The following SLC25A39 variants were observed in gnomAD, a reference collection of about 807,000 sequenced individuals.
The protein encoded by SLC25A39 is solute carrier family 25 member 39.
Under a neutral mutation model 46.6 loss-of-function variants are expected in SLC25A39, and 44 were observed. The observed-to-expected ratio is 0.94, with a 90% CI of 0.74 to 1.21. SLC25A39 has a LOEUF of 1.21. SLC25A39 is among the 50% of genes most tolerant of loss of function. The pLI, the probability that SLC25A39 is intolerant of heterozygous loss-of-function variation, is 0.00. For synonymous variants in SLC25A39, 218 were observed against 190.6 expected (o/e 1.14, Z -1.19); for missense variants, 487 against 473.0 (o/e 1.03, Z -0.28).
At chr17:44,324,025 G>A (rs944633115) in intron 1 of SLC25A39, 11 of 178,442 alleles carry the variant, frequency 6.2e-5, no homozygotes, top group Non-Finnish European at 1.2e-4. Context: ...TCTAAAGCAG[G>A]GACTGTCCGC....
At position 44,321,839 on chromosome 17, in the gene SLC25A39, C is replaced by G. The variant is rs73983970; in HGVS notation, c.325-72G>C. The G allele has an allele frequency of 3.2e-3, 4,821 of 1,503,474 alleles. 141 individuals carry two copies. The African/African-American group carries it at 0.059, about 19-fold the overall frequency. 93.1% of individuals were successfully genotyped at this position (1,503,474 alleles called of 1,614,324 possible). On this transcript the variant is annotated intron_variant, in intron 5 of 11. Transcript: ENST00000377095. ...ATGTCTGTGATGGGGCTGGCCCAGG[C>G]TAGGCCTTTGCCTGACGCCCTCAGC...
intron 2 of SLC25A39, 44 bp downstream of exon 2, chr17:44,323,434 G>GGGCCCCACCCC: frequency 7.3e-7 from 1 of 1,367,930 alleles, no homozygotes; most frequent in Non-Finnish European, 1.0e-6. Flanking sequence ...TCTCCGGTCT[G>GGGCCCCACCCC]CCCCATCCCC....
chr17:44,321,620 C>A, intron 6 of SLC25A39, 62 bp from the exon 7 acceptor site: 1 of 1,608,154 alleles, frequency 6.2e-7, no homozygotes, highest in South Asian at 1.1e-5. Context: ...TAAAGCATCA[C>A]CTGCCCCACC....
Position 44,323,358 on chromosome 17 carries a change from G to A in SLC25A39, c.86-15C>T, listed in dbSNP as rs369357031. On this transcript the variant is annotated splice_polypyrimidine_tract_variant and intron_variant, in intron 2 of 11. Coordinates refer to ENST00000377095, the MANE Select transcript of SLC25A39 (RefSeq NM_001143780.3). Reference sequence around the variant, plus strand: ...CAGGGGTGTCACTGGGGGAGGAAGCGGGTCTGAAGGCTCCTTTCAGGACCC... The same window carrying A: ...CAGGGGTGTCACTGGGGGAGGAAGCAGGTCTGAAGGCTCCTTTCAGGACCC... The A allele has an allele frequency of 1.2e-6, 2 of 1,607,332 alleles. No homozygotes were observed. Among genetic ancestry groups the A allele is most frequent in the Non-Finnish European group, 1.7e-6 (2 of 1,176,796 alleles).
chr17:44,321,654 G>A (rs1217814496), intron 6 of SLC25A39, 46 bp downstream of exon 6: 9 of 1,607,626 alleles, frequency 5.6e-6, no homozygotes, highest in Non-Finnish European at 7.7e-6. Context: ...GGGAGCAAAG[G>A]GTCAGGAAGT....
chr17:44,321,500 A>C lies in SLC25A39; in HGVS notation c.451T>G (p.Phe151Val). Residue 151 changes from phenylalanine (F) to valine (V), a missense_variant, in exon 7 of 12, where the codon TTC becomes GTC. Transcript: ENST00000377095. ...YFTAYDQLKA[F>V]LCGRALTSDL... ...GAGGTCAGGGCTCGACCACACAGGA[A>C]GGCCTTCAGTTGGTCATAGGCAGTG... 6.2e-7 allele frequency: 1 copy of C among 1,614,122 alleles called. No individual in the cohort carries two copies. Among genetic ancestry groups the C allele is most frequent in the Non-Finnish European group, 8.5e-7 (1 of 1,180,000 alleles).
At position 44,323,570 on chromosome 17, in the gene SLC25A39, C is replaced by A; in HGVS notation, c.-8G>T. ...AGGGTCCTGGTCAGCCATCTTGAAG[C>A]TTCAGTCCTGAAAACCAAACCTCAA... On this transcript the variant is annotated 5_prime_UTR_variant, in exon 2 of 12. Transcript: ENST00000377095. The A allele has an allele frequency of 6.4e-7, 1 of 1,564,016 alleles. No individual in the cohort carries two copies. The highest frequency in any genetic ancestry group is 8.7e-7 in the Non-Finnish European group (1 of 1,154,458).
chr17:44,319,732 A>T lies in SLC25A39; in HGVS notation c.*269T>A. On this transcript the variant is annotated 3_prime_UTR_variant, in exon 12 of 12. Transcript: ENST00000377095. ...AGACATGCCCAGCTACAGCAAACACAGGGAAACACGAAGGGGGCAGCTGGA... is the reference window on the plus strand; with the variant it reads ...AGACATGCCCAGCTACAGCAAACACTGGGAAACACGAAGGGGGCAGCTGGA... 2.1e-6 allele frequency: 1 copy of T among 470,418 alleles called. No individual in the cohort carries two copies. The allele number at this position is 470,418 out of a possible 1,614,324, so 29.1% of individuals were successfully genotyped here.
At chr17:44,323,440 T>TTCCCC in intron 2 of SLC25A39, 38 bp downstream of exon 2, 2 of 341,552 alleles carry the variant, frequency 5.9e-6, no homozygotes, top group Admixed American at 6.5e-5. Context: ...GTCTGCCCCA[T>TTCCCC]CCCCACCCGC....
intron 1 of SLC25A39, 173 bp from the exon 2 acceptor site, chr17:44,323,750 T>C: frequency 1.7e-6 from 1 of 590,312 alleles, no homozygotes; most frequent in East Asian, 2.9e-5. Flanking sequence ...CAAGCGGTTC[T>C]CTTGCTTCAG....
chr17:44,322,715 A>G lies in SLC25A39; in HGVS notation c.190+93T>C, dbSNP rs1039870124. On this transcript the variant is annotated intron_variant, in intron 4 of 11. Transcript: ENST00000377095. ...AGGACCTGGGAGTATATGCTAGTCCATGGCTGTGGAGCCCACTGGTGCCCT... is the reference window on the plus strand; with the variant it reads ...AGGACCTGGGAGTATATGCTAGTCCGTGGCTGTGGAGCCCACTGGTGCCCT... 12 of 1,587,292 alleles carry G rather than the reference A, an allele frequency of 7.6e-6. No individual in the cohort carries two copies. The African/African-American group carries it at 1.3e-4, about 18-fold the overall frequency.
rs199752885 is a variant in SLC25A39 at position 44,321,597 on chromosome 17, G to C, written c.393-39C>G. On this transcript the variant is annotated intron_variant, in intron 6 of 11. Coordinates refer to ENST00000377095, the MANE Select transcript of SLC25A39 (RefSeq NM_001143780.3). Reference sequence around the variant, plus strand: ...GAGAGGTTAGCTGGGACTCCCAAAAGGACCCAAACTTTTAAAGCATCACCT... The same window carrying C: ...GAGAGGTTAGCTGGGACTCCCAAAACGACCCAAACTTTTAAAGCATCACCT... 1.7e-4 allele frequency: 270 copies of C among 1,611,592 alleles called. 5 individuals are homozygous for C. In the South Asian group the frequency reaches 2.8e-3, roughly 17 times the overall value.
chr17:44,321,375 G>A, intron 7 of SLC25A39, 59 bp downstream of exon 7: 1 of 1,610,370 alleles, frequency 6.2e-7, no homozygotes. Context: ...AGCTGGGACT[G>A]ACTGGGTTTG....
chr17:44,323,578 C>A lies in SLC25A39; in HGVS notation c.-15-1G>T. The A allele has an allele frequency of 6.4e-7, 1 of 1,558,698 alleles. No homozygotes were observed. The highest frequency in any genetic ancestry group is 8.7e-7 in the Non-Finnish European group (1 of 1,151,358). On this transcript the variant is annotated splice_acceptor_variant, in intron 1 of 11. Transcript: ENST00000377095. LOFTEE classifies it low-confidence loss of function (5UTR_SPLICE). The stretch of plus-strand genomic sequence containing the variant: ...GGTCAGCCATCTTGAAGCTTCAGTC[C>A]TGAAAACCAAACCTCAAACAGACCA...
rs1411060227 is a variant in SLC25A39 at position 44,320,294 on chromosome 17, G to A, written c.884-18C>T. The stretch of plus-strand genomic sequence containing the variant: ...GGGGTTCACTGCAAACGCGAGGCCG[G>A]CTCAGTGAGACCCCATTCAGGACCC... On this transcript the variant is annotated intron_variant, in intron 10 of 11. Coordinates refer to ENST00000377095, the MANE Select transcript of SLC25A39 (RefSeq NM_001143780.3). 2 of 1,613,550 alleles carry A rather than the reference G, an allele frequency of 1.2e-6. No individual in the cohort carries two copies. The highest frequency in any genetic ancestry group is 1.7e-5 in the Admixed American group (1 of 60,020).
At chr17:44,322,061 C>G (rs192827422) in intron 5 of SLC25A39, among the ~76,000 whole-genome samples, 12 of 152,268 alleles carry the variant, frequency 7.9e-5, no homozygotes, top group African/African-American at 2.9e-4. Context: ...CCAGCCTGGC[C>G]AACACGGCAA....
chr17:44,324,763 A>G lies in SLC25A39; in HGVS notation c.-68T>C, dbSNP rs1381699399. ...GCGGCGCCCAGGGTCAGGCGGGCCC[A>G]TACCGGCTCCGCCGCCTGTGCGCGG... On this transcript the variant is annotated 5_prime_UTR_variant, in exon 1 of 12. The change abolishes an upstream ATG in the 5' untranslated region. Coordinates refer to ENST00000377095, the MANE Select transcript of SLC25A39 (RefSeq NM_001143780.3). The G allele has an allele frequency of 5.3e-5, 8 of 152,036 alleles. No individual in the cohort carries two copies. The allele number at this position is 152,036 out of a possible 1,614,324, so 9.4% of individuals were successfully genotyped here. A position where few individuals can be genotyped will look rare whatever the true frequency, so the allele number is the denominator to read the frequency against.
chr17:44,323,445 A>AGG, intron 2 of SLC25A39, 33 bp downstream of exon 2: 1 of 333,780 alleles, frequency 3.0e-6, no homozygotes, highest in Non-Finnish European at 4.3e-6. Flanking sequence ...CCCCATCCCC[A>AGG]CCCGCCCCCA....
In SLC25A39 at chr17:44,320,450, C is replaced by G. The variant is rs772882946; in HGVS notation, c.802-14G>C. 6.2e-7 allele frequency: 1 copy of G among 1,612,954 alleles called. No individual in the cohort carries two copies. Among genetic ancestry groups the G allele is most frequent in the South Asian group, 1.1e-5 (1 of 91,070 alleles). ...CACTGCAGCCACCTGGTGGGGTGGG[C>G]GGGGAGAGGGCTCAGCTCCACTTCC... On this transcript the variant is annotated splice_polypyrimidine_tract_variant and intron_variant, in intron 9 of 11. Coordinates refer to ENST00000377095, the MANE Select transcript of SLC25A39 (RefSeq NM_001143780.3).
Sources: gnomAD v4.1 joint callset for allele counts (sites outside exome capture counted in the v4.1 genomes callset) on GRCh38, gnomAD v4.1.1 for gene constraint, MANE v1.5 for transcripts, NCBI Gene and HGNC (gene_info 2026-07-23, HGNC 2026-07-21) for gene names.